The following TCF20 variants were observed in gnomAD, a reference collection of about 807,000 sequenced individuals.
TCF20 encodes SPRE-binding protein.
Under a neutral mutation model 148.6 loss-of-function variants are expected in TCF20, and 3 were observed. The observed-to-expected ratio is 0.02, with a 90% CI of 0.01 to 0.05. The LOEUF (loss-of-function observed/expected upper bound fraction) is 0.05, where lower values mean the gene tolerates loss of function less well. Ranked by LOEUF, TCF20 falls within the 10% of genes least tolerant of loss-of-function variation. The pLI is 1.00. For missense variants in TCF20, 2,350 were observed against 2,429.3 expected, an observed-to-expected ratio of 0.97 and a Z score of 0.69; for synonymous variants, 1,049 against 909.5, an observed-to-expected ratio of 1.15 and a Z score of -2.76.
intron 2 of TCF20, among the ~76,000 whole-genome samples, chr22:42,204,906 A>T (rs1253739009): frequency 7.9e-6 from 1 of 125,838 alleles, no homozygotes; most frequent in Admixed American, 7.6e-5. Flanking sequence ...ACTGTCAGGT[A>T]AAAAAAAAAG....
intron 2 of TCF20, 22 bp downstream of exon 2, chr22:42,209,629 G>GT (rs748183525): frequency 6.4e-7 from 1 of 1,562,474 alleles, no homozygotes; most frequent in South Asian, 1.2e-5. Context: ...TCCCAAGCTG[G>GT]TAAGAGATTT....
intron 1 of TCF20, among the ~76,000 whole-genome samples, chr22:42,256,406 T>C (rs555599889): frequency 1.3e-5 from 2 of 152,358 alleles, no homozygotes; most frequent in Admixed American, 1.3e-4. Flanking sequence ...TAGGCTTCAT[T>C]TGGCCTGTGT....
intron 1 of TCF20, among the ~76,000 whole-genome samples, chr22:42,227,372 A>G (rs1923007739): frequency 6.6e-6 from 1 of 152,208 alleles, no homozygotes; most frequent in African/African-American, 2.4e-5. Context: ...AGATTCTCCA[A>G]CTGATGCTTT....
At chr22:42,209,499 C>G (rs371604007) in intron 2 of TCF20, 152 bp downstream of exon 2, 4 of 896,176 alleles carry the variant, frequency 4.5e-6, no homozygotes, top group East Asian at 2.5e-5. Flanking sequence ...TACAAATCTT[C>G]CAAATTACCT....
Position 42,211,657 on chromosome 22 carries a change from C to T in TCF20, c.3649G>A (p.Glu1217Lys). The T allele has an allele frequency of 6.2e-7, 1 of 1,614,206 alleles. No individual in the cohort carries two copies. The highest frequency in any genetic ancestry group is 8.5e-7 in the Non-Finnish European group (1 of 1,180,034). ...SSQKRYGPPH[E>K]TDGHGLAEAT... ...TCAGCTAGTCCATGTCCATCAGTCT[C>T]ATGGGGCGGCCCATACCTTTTTTGA... is the stretch of plus-strand genomic sequence containing the variant. Residue 1217 changes from glutamate (E) to lysine (K), a missense_variant, in exon 2 of 6, where the codon GAG becomes AAG. Physicochemically the swap from Glu to Lys is moderately conservative, Grantham distance 56. Transcript: ENST00000677622.
intron 3 of TCF20, among the ~76,000 whole-genome samples, chr22:42,178,007 CAG>C (rs1274183635): frequency 6.6e-6 from 1 of 152,056 alleles, no homozygotes; most frequent in Admixed American, 6.6e-5. Context: ...CCAGGAAGGA[CAG>C]AGGGGGTGAA....
rs74427010 is a variant in TCF20 at position 42,307,373 on chromosome 22, G to T, written c.-37+36106C>A. ...CCAGAGTGGCGGACAGCTGGGAAGGGTGACTTTGGAGCCACTGCTCTGATT... is the reference window on the plus strand; with the variant it reads ...CCAGAGTGGCGGACAGCTGGGAAGGTTGACTTTGGAGCCACTGCTCTGATT... On this transcript the variant is annotated intron_variant, in intron 1 of 1. Coordinates refer to the TCF20 transcript ENST00000515426. Among the ~76,000 whole-genome samples, 690 of 152,314 alleles carry T rather than the reference G, an allele frequency of 4.5e-3. 4 individuals carry two copies. Among genetic ancestry groups the T allele is most frequent in the Middle Eastern group, 6.8e-3 (2 of 294 alleles).
intron 1 of TCF20, among the ~76,000 whole-genome samples, chr22:42,322,293 A>G (rs1051820635): frequency 2.0e-5 from 3 of 151,882 alleles, no homozygotes; most frequent in Non-Finnish European, 4.4e-5. Context: ...CAGAAGATGT[A>G]TAAGAGGACC....
At position 42,188,843 on chromosome 22, in the gene TCF20, C is replaced by T. The variant is rs1158451496; in HGVS notation, c.5656-9141G>A. ...CAAAAGTTCACCTAGTGTCTACCCT[C>T]CAGGAGCTCACAGAATGATCTGGGG... On this transcript the variant is annotated intron_variant, in intron 2 of 5. Coordinates refer to ENST00000677622, the MANE Select transcript of TCF20 (RefSeq NM_001378418.1). Among the ~76,000 whole-genome samples, 4 of 152,124 alleles carry T rather than the reference C, an allele frequency of 2.6e-5. No individual in the cohort carries two copies. The East Asian group carries it at 7.7e-4, about 29-fold the overall frequency.
At chr22:42,199,155 A>G (rs911154100) in intron 2 of TCF20, among the ~76,000 whole-genome samples, 7 of 152,204 alleles carry the variant, frequency 4.6e-5, no homozygotes, top group Non-Finnish European at 8.8e-5. Context: ...TAGTTTTACA[A>G]TAAGAATAAT....
At chr22:42,328,283 A>G (rs956903169) in intron 1 of TCF20, among the ~76,000 whole-genome samples, 1 of 152,170 alleles carries the variant, frequency 6.6e-6, no homozygotes, top group African/African-American at 2.4e-5. Flanking sequence ...TCTCTGCAAC[A>G]TATTTTCAGC....
intron 1 of TCF20, among the ~76,000 whole-genome samples, chr22:42,219,270 C>T (rs562718434): frequency 2.8e-5 from 4 of 142,182 alleles, no homozygotes; most frequent in South Asian, 2.3e-4. Flanking sequence ...TGAGGTAGGA[C>T]GATTGCTTGA....
intron 2 of TCF20, among the ~76,000 whole-genome samples, chr22:42,204,652 C>A (rs548375805): frequency 1.3e-5 from 2 of 152,028 alleles, no homozygotes; most frequent in South Asian, 2.1e-4. Context: ...TGAGATCAGC[C>A]TGGCCAACAT....
rs547433194 is a variant in TCF20 at position 42,175,343 on chromosome 22, CTCTT to C, written c.5749+4262_5749+4265del. Among the ~76,000 whole-genome samples, 167 of 152,114 alleles carry C rather than the reference CTCTT, an allele frequency of 1.1e-3. 2 individuals are homozygous for C. The highest frequency in any genetic ancestry group is 1.5e-3 in the Non-Finnish European group (99 of 67,968). ...ACCATACCTAGTTAACTGGTTAGCTCTCTTTCTTTTTCTTTTGAGACAGAGTCTC... is the reference window on the plus strand; with the variant it reads ...ACCATACCTAGTTAACTGGTTAGCTCTCTTTTTCTTTTGAGACAGAGTCTC... On this transcript the variant is annotated intron_variant, in intron 3 of 5. Transcript: ENST00000677622.
At chr22:42,306,860 G>A (rs1927443258) in intron 1 of TCF20, among the ~76,000 whole-genome samples, 1 of 151,984 alleles carries the variant, frequency 6.6e-6, no homozygotes, top group Non-Finnish European at 1.5e-5. Flanking sequence ...ACAACATGGT[G>A]AAACTCTGTC....
intron 1 of TCF20, among the ~76,000 whole-genome samples, chr22:42,316,426 C>T (rs1927632610): frequency 6.6e-6 from 1 of 152,134 alleles, no homozygotes; most frequent in Admixed American, 6.5e-5. Context: ...GCAGCAGGGG[C>T]ACACCACACA....
chr22:42,325,806 C>T (rs570761331), intron 1 of TCF20, among the ~76,000 whole-genome samples: 5 of 152,298 alleles, frequency 3.3e-5, no homozygotes, highest in East Asian at 1.9e-4. Flanking sequence ...ATTCTGCAGC[C>T]GACTTGCCTG....
chr22:42,338,170 C>T lies in TCF20; in HGVS notation c.-37+5309G>A, dbSNP rs117604330. On this transcript the variant is annotated intron_variant, in intron 1 of 1. Coordinates refer to the TCF20 transcript ENST00000515426. This position sits in a 1 kb window ranked among gnomAD's most constrained non-coding sequence, Gnocchi z 4.0. ...CCACGCGTCCCCTGAGATCCCCCAC[C>T]GCCCTGGATGTTCACGGTTCTGCAG... Among the ~76,000 whole-genome samples the T allele has an allele frequency of 2.1e-3, 321 of 152,366 alleles. 10 individuals are homozygous for T. The East Asian group carries it at 0.053, about 25-fold the overall frequency.
rs556175494 is a variant in TCF20 at position 42,299,643 on chromosome 22, G to A, written c.-37+43836C>T. Among the ~76,000 whole-genome samples, 25 of 152,226 alleles carry A rather than the reference G, an allele frequency of 1.6e-4. No individual in the cohort carries two copies. The highest frequency in any genetic ancestry group is 4.8e-4 in the African/African-American group (20 of 41,540). On this transcript the variant is annotated intron_variant, in intron 1 of 1. Coordinates refer to the TCF20 transcript ENST00000515426. The surrounding 1 kb of genome is among the most constrained non-coding windows in gnomAD (Gnocchi z 4.1). The stretch of plus-strand genomic sequence containing the variant: ...CTCTCCAACCTCTGTACCTCTCCCC[G>A]AACGCAGGCCCCCCTGCCCGCACCC...
Sources: gnomAD v4.1 joint callset for allele counts (sites outside exome capture counted in the v4.1 genomes callset) on GRCh38, gnomAD v4.1.1 for gene constraint, Gnocchi (gnomAD v3.1) non-coding constraint, MANE v1.5 for transcripts, NCBI Gene and HGNC (gene_info 2026-07-23, HGNC 2026-07-21) for gene names.